MED23: variants seen among roughly 807,000 people sequenced by gnomAD.
MED23 encodes mediator complex subunit 23, also known as mediator of RNA polymerase II transcription subunit 23.
In MED23, 105 loss-of-function variants were observed where a neutral mutation model predicts 163.9. That is an observed-to-expected ratio of 0.64 (90% confidence interval 0.55 to 0.75). MED23 has a LOEUF of 0.75. MED23 is among the 30% of genes least tolerant of loss of function. MED23 has a pLI of 0.00. For synonymous variants in MED23, 561 were observed against 565.6 expected, an observed-to-expected ratio of 0.99 and a Z score of 0.12; for missense variants, 1,054 against 1,649.0, an observed-to-expected ratio of 0.64 and a Z score of 6.25.
chr6:131,616,119 G>A (rs1776670715), intron 9 of MED23, 117 bp from the exon 10 acceptor site: 1 of 778,678 alleles, frequency 1.3e-6, no homozygotes, highest in Admixed American at 2.1e-5. Flanking sequence ...AGAGTAGGCA[G>A]TATCTAGTGG....
chr6:131,609,544 G>A (rs1350171079), intron 11 of MED23, among the ~76,000 whole-genome samples: 6 of 122,608 alleles, frequency 4.9e-5, no homozygotes, highest in South Asian at 2.6e-4. Flanking sequence ...ACAGAGTCTC[G>A]CTCTGTCGCC....
chr6:131,577,413 A>G (rs1401375317), intron 30 of MED23, among the ~76,000 whole-genome samples: 1 of 152,162 alleles, frequency 6.6e-6, no homozygotes, highest in African/African-American at 2.4e-5. Context: ...GAGAAGTACA[A>G]CTACAAACAT....
intron 3 of MED23, among the ~76,000 whole-genome samples, chr6:131,625,547 G>C (rs1164475606): frequency 2.0e-5 from 3 of 152,174 alleles, no homozygotes; most frequent in Admixed American, 1.3e-4. Flanking sequence ...TCCAAAAAGA[G>C]CCTATAATGT....
chr6:131,617,464 CTT>C (rs11289798), intron 9 of MED23, among the ~76,000 whole-genome samples: 7 of 142,978 alleles, frequency 4.9e-5, no homozygotes, highest in African/African-American at 1.8e-4. Flanking sequence ...CATTAAATTT[CTT>C]TTTTTTTTTT....
chr6:131,579,034 T>C, intron 30 of MED23: 2 of 1,519,176 alleles, frequency 1.3e-6, no homozygotes, highest in Non-Finnish European at 1.8e-6. Flanking sequence ...GCCTATTTTA[T>C]ACAATTGAGA....
intron 12 of MED23, among the ~76,000 whole-genome samples, chr6:131,607,091 G>A (rs561491184): frequency 6.6e-6 from 1 of 151,946 alleles, no homozygotes; most frequent in Non-Finnish European, 1.5e-5. Flanking sequence ...CTATTAATGG[G>A]TAAAATGATA....
At chr6:131,605,546 T>A in intron 13 of MED23, 61 bp from the exon 14 acceptor site, 1 of 1,429,186 alleles carries the variant, frequency 7.0e-7, no homozygotes, top group Non-Finnish European at 9.3e-7. Flanking sequence ...TGTTAATTTG[T>A]ATTTTTTTAA....
chr6:131,621,816 C>T (rs1777127342), intron 6 of MED23, 65 bp downstream of exon 6: 2 of 1,046,080 alleles, frequency 1.9e-6, no homozygotes, highest in Non-Finnish European at 2.8e-6. Flanking sequence ...ATTAAAAGCA[C>T]AGACCTAAAC....
chr6:131,602,409 G>A lies in MED23; in HGVS notation c.1932-28C>T, dbSNP rs200323029. On this transcript the variant is annotated intron_variant, in intron 16 of 28. Transcript: ENST00000368068. ...GAAAATTGGGAGAATAAAAAGAAAT[G>A]TAAAAAAATTTCAGAATTATGGAAT... The A allele has an allele frequency of 1.2e-5, 20 of 1,604,244 alleles. No individual in the cohort carries two copies. In the East Asian group the frequency reaches 4.3e-4, roughly 34 times the overall value.
At chr6:131,601,723 C>CA (rs1562382741) in intron 17 of MED23, among the ~76,000 whole-genome samples, 1 of 152,096 alleles carries the variant, frequency 6.6e-6, no homozygotes, top group African/African-American at 2.4e-5. Context: ...ATTAGAGAAG[C>CA]AAAAATGTCA....
Position 131,621,882 on chromosome 6 carries a change from T to C in MED23, c.494A>G (p.Glu165Gly). The C allele has an allele frequency of 6.2e-7, 1 of 1,603,990 alleles. No individual in the cohort carries two copies. The highest frequency in any genetic ancestry group is 8.5e-7 in the Non-Finnish European group (1 of 1,174,546). The change falls in exon 6 of 29, where the codon GAG becomes GGG. Residue 165 changes from glutamate to glycine, a missense_variant and splice_region_variant. By Grantham distance (98) the Glu-to-Gly change is moderately conservative (BLOSUM62 -2). This residue lies in a region of MED23 where 227 missense variants were observed against 235.5 expected (regional missense o/e 0.96). Transcript: ENST00000368068. Reference sequence around the variant, plus strand: ...GAATTTCAGACATGTCTAAATTACCTCTCTTGCTGCCAGAAGCTGCTGTAC... The same window carrying C: ...GAATTTCAGACATGTCTAAATTACCCCTCTTGCTGCCAGAAGCTGCTGTAC... ...AVVQQLLAAREVIAYILERNA... is the reference protein window; with the variant it reads ...AVVQQLLAARGVIAYILERNA...
intron 30 of MED23, chr6:131,581,440 G>A: frequency 6.6e-7 from 1 of 1,507,134 alleles, no homozygotes; most frequent in Middle Eastern, 1.8e-4. Context: ...TCAGGAGGTG[G>A]AAGGGAAATG....
At chr6:131,627,593 CAG>C in intron 2 of MED23, 46 bp downstream of exon 2, 1 of 1,607,636 alleles carries the variant, frequency 6.2e-7, no homozygotes, top group Non-Finnish European at 8.5e-7. Context: ...TAAAATCTGA[CAG>C]ACACAATCAC....
intron 10 of MED23, among the ~76,000 whole-genome samples, chr6:131,610,832 A>C (rs1046561899): frequency 3.3e-5 from 5 of 152,184 alleles, no homozygotes; most frequent in African/African-American, 9.7e-5. Context: ...AACTTCTTCC[A>C]CAAGAGGAAA....
intron 27 of MED23, 26 bp from the exon 28 acceptor site, chr6:131,589,622 T>G: frequency 6.2e-7 from 1 of 1,610,470 alleles, no homozygotes; most frequent in Non-Finnish European, 8.5e-7. Context: ...TGTAAAATTA[T>G]TTAAGTGATC....
At chr6:131,583,600 T>C, downstream of MED23, 2 of 1,532,102 alleles carry the variant, frequency 1.3e-6, no homozygotes, top group East Asian at 2.4e-5. Context: ...AGAATGTCCA[T>C]CAGTCACATG....
chr6:131,590,992 TTTTTTTTCAGATGGAG>T (rs1341463886), intron 26 of MED23, among the ~76,000 whole-genome samples: 2 of 151,178 alleles, frequency 1.3e-5, no homozygotes, highest in South Asian at 4.2e-4. Flanking sequence ...CAATTTTTTT[TTTTTTTTCAGATGGAG>T]TCTCACTCTG....
chr6:131,580,854 A>G (rs1773884274), intron 30 of MED23, among the ~76,000 whole-genome samples: 1 of 152,160 alleles, frequency 6.6e-6, no homozygotes, highest in Admixed American at 6.5e-5. Context: ...AAATGATCCA[A>G]ATTTAACTCT....
chr6:131,590,578 T>C, intron 26 of MED23, 136 bp from the exon 27 acceptor site: 1 of 558,180 alleles, frequency 1.8e-6, no homozygotes, highest in South Asian at 2.4e-5. Context: ...ACAATAATAT[T>C]TCTAATTAAT....
Sources: gnomAD v4.1 joint callset for allele counts (sites outside exome capture counted in the v4.1 genomes callset) on GRCh38, gnomAD v4.1.1 for gene constraint, gnomAD v4.1.1 regional missense constraint, MANE v1.5 for transcripts, NCBI Gene and HGNC (gene_info 2026-07-23, HGNC 2026-07-21) for gene names.